COBL: variants seen among roughly 807,000 people sequenced by gnomAD.
COBL encodes the protein protein cordon-bleu.
A neutral mutation model predicts 98.8 loss-of-function variants in COBL; 51 were observed. The ratio of observed to expected loss-of-function variants is 0.52; its 90% CI spans 0.41 to 0.65. The LOEUF (loss-of-function observed/expected upper bound fraction) is 0.65, where lower values mean the gene tolerates loss of function less well. Ranked by LOEUF, COBL falls within the 30% of genes least tolerant of loss-of-function variation. The pLI is 0.00. For missense variants in COBL, 1,617 were observed against 1,617.5 expected (o/e 1.00, Z 0.01); for synonymous variants, 634 against 651.7 (o/e 0.97, Z 0.41).
At chr7:51,032,975 A>C (rs1788302564) in intron 8 of COBL, 1 of 152,206 alleles carries the variant, frequency 6.6e-6, no homozygotes. Flanking sequence ...AAAATTACAG[A>C]CATACTTTTA....
At chr7:51,085,348 C>T (rs1330849278) in intron 6 of COBL, 44 bp from the exon 7 acceptor site, 1 of 489,188 alleles carries the variant, frequency 2.0e-6, no homozygotes, top group Non-Finnish European at 2.7e-6. Flanking sequence ...GTACTTTGTA[C>T]CTATGAAGTA....
chr7:51,125,059 A>G (rs1798080753), intron 6 of COBL, among the ~76,000 whole-genome samples: 1 of 152,134 alleles, frequency 6.6e-6, no homozygotes, highest in South Asian at 2.1e-4. Flanking sequence ...GTGATCTATC[A>G]GCCTCAGGCT....
At chr7:51,279,455 A>G (rs1799612768) in intron 1 of COBL, among the ~76,000 whole-genome samples, 1 of 152,216 alleles carries the variant, frequency 6.6e-6, no homozygotes, top group African/African-American at 2.4e-5. Flanking sequence ...CAACTGGCAC[A>G]TTTTTCTAAA....
In COBL at chr7:51,030,892, G is replaced by C; in HGVS notation, c.1424C>G (p.Thr475Arg). 1 of 1,612,024 alleles carries C rather than the reference G, an allele frequency of 6.2e-7. No homozygotes were observed. The highest frequency in any genetic ancestry group is 8.5e-7 in the Non-Finnish European group (1 of 1,178,152). ...NSHLRTEKAV[T>R]ASNDEEDLLI... ...TAGGTCTTCTTCATCATTTGAGGCT[G>C]TGACAGCTTTTTCAGTTCTAGGGAA... The change falls in exon 9 of 13, where the codon ACA becomes AGA. Residue 475 changes from threonine (T) to arginine (R), a missense_variant. Coordinates refer to ENST00000265136, the MANE Select transcript of COBL (RefSeq NM_015198.5).
At chr7:51,084,362 G>A (rs1793989892) in intron 7 of COBL, among the ~76,000 whole-genome samples, 1 of 152,082 alleles carries the variant, frequency 6.6e-6, no homozygotes, top group Non-Finnish European at 1.5e-5. Flanking sequence ...GCTTCGTCGT[G>A]AGCACTGACA....
chr7:51,315,271 A>AAAAG (rs200099399), intron 1 of COBL, among the ~76,000 whole-genome samples: 10 of 151,770 alleles, frequency 6.6e-5, no homozygotes, highest in Non-Finnish European at 1.2e-4. Context: ...AAAAAAAAAA[A>AAAAG]AGAGAGAGAG....
intron 6 of COBL, among the ~76,000 whole-genome samples, chr7:51,121,089 T>C (rs1014238503): frequency 6.6e-6 from 1 of 152,198 alleles, no homozygotes; most frequent in South Asian, 2.1e-4. Context: ...TCTGAGGACC[T>C]GTCATACTGT....
chr7:51,299,901 G>A (rs537854718), intron 1 of COBL, among the ~76,000 whole-genome samples: 22 of 152,154 alleles, frequency 1.4e-4, no homozygotes, highest in Middle Eastern at 3.4e-3. Flanking sequence ...CTTAAATATC[G>A]CAACAACATT....
intron 1 of COBL, among the ~76,000 whole-genome samples, chr7:51,228,701 T>C (rs1379671693): frequency 6.6e-6 from 1 of 152,058 alleles, no homozygotes; most frequent in African/African-American, 2.4e-5. Context: ...TCACAACACA[T>C]CAAGTAAATA....
intron 1 of COBL, among the ~76,000 whole-genome samples, chr7:51,303,111 CG>C (rs1282215839): frequency 1.3e-5 from 2 of 152,180 alleles, no homozygotes; most frequent in Admixed American, 1.3e-4. Flanking sequence ...AATGTTTCCC[CG>C]AGCCTCATGA....
At chr7:51,074,140 T>C (rs1792826837) in intron 7 of COBL, among the ~76,000 whole-genome samples, 1 of 151,502 alleles carries the variant, frequency 6.6e-6, no homozygotes, top group Non-Finnish European at 1.5e-5. Flanking sequence ...CATAAGAGAA[T>C]GCCTGATTCA....
intron 7 of COBL, among the ~76,000 whole-genome samples, chr7:51,046,722 T>C (rs1408812713): frequency 6.6e-6 from 1 of 152,112 alleles, no homozygotes; most frequent in Non-Finnish European, 1.5e-5. Context: ...CCAGGTCCTG[T>C]CCTCCAGATC....
rs184097353 is a variant in COBL, at chr7:51,219,627, T to C, written c.245+114A>G. 2,445 of 1,127,346 alleles carry C rather than the reference T, an allele frequency of 2.2e-3. 10 individuals carry two copies. The highest frequency in any genetic ancestry group is 5.4e-3 in the South Asian group (368 of 67,562). The allele number at this position is 1,127,346 out of a possible 1,614,324, so 69.8% of individuals were successfully genotyped here. On this transcript the variant is annotated intron_variant, in intron 2 of 12. Coordinates refer to ENST00000265136, the MANE Select transcript of COBL (RefSeq NM_015198.5). ...GCCCGATTTATATCCATGAGGTTCC[T>C]GAGGTCAGACCTGATGAGGAGGAAA...
chr7:51,172,652 A>C (rs1787993906), intron 5 of COBL: 1 of 485,138 alleles, frequency 2.1e-6, no homozygotes, highest in Admixed American at 3.7e-5. Flanking sequence ...CCTTCACTTA[A>C]TAGGTGTAAT....
intron 5 of COBL, among the ~76,000 whole-genome samples, chr7:51,161,178 C>T (rs999050766): frequency 6.6e-6 from 1 of 152,234 alleles, no homozygotes. Context: ...CAGAAAAGCT[C>T]GCGAGGGGAT....
At chr7:51,225,821 A>G (rs1456813559) in intron 1 of COBL, among the ~76,000 whole-genome samples, 1 of 152,134 alleles carries the variant, frequency 6.6e-6, no homozygotes, top group Non-Finnish European at 1.5e-5. Context: ...CCACTCACTG[A>G]AAGTCAGAGG....
At chr7:51,184,249 TCAATA>T in intron 4 of COBL, 50 bp from the exon 5 acceptor site, 1 of 1,035,052 alleles carries the variant, frequency 9.7e-7, no homozygotes, top group Non-Finnish European at 1.4e-6. Flanking sequence ...AACAAGAGAT[TCAATA>T]CTTTACTTAA....
intron 7 of COBL, among the ~76,000 whole-genome samples, chr7:51,082,822 G>T (rs1298739573): frequency 2.0e-5 from 3 of 152,202 alleles, no homozygotes; most frequent in African/African-American, 7.2e-5. Flanking sequence ...CAACCACAAG[G>T]TGTGTGTTTA....
At chr7:51,020,362 C>A (rs1477008257) in intron 12 of COBL, among the ~76,000 whole-genome samples, 1 of 152,154 alleles carries the variant, frequency 6.6e-6, no homozygotes, top group Middle Eastern at 3.2e-3. Flanking sequence ...CAATAGCAGA[C>A]CCCGCACCCC....
Sources: allele counts gnomAD v4.1 joint callset (sites outside exome capture counted in the v4.1 genomes callset), GRCh38; gene constraint gnomAD v4.1.1; transcripts MANE v1.5; gene names NCBI Gene and HGNC (gene_info 2026-07-23, HGNC 2026-07-21).